The following DLG2 variants were observed in gnomAD, a reference collection of about 807,000 sequenced individuals.
The protein encoded by DLG2 is discs large MAGUK scaffold protein 2.
In DLG2, 45 loss-of-function variants were observed where a neutral mutation model predicts 132.5. The observed-to-expected ratio is 0.34, with a 90% CI of 0.27 to 0.44. The LOEUF is 0.44. DLG2 is among the 20% of genes least tolerant of loss of function. The probability of loss-of-function intolerance (pLI) is 1.00; values close to 1 mark genes in which losing one functional copy is unlikely to be tolerated. For missense variants in DLG2, 1,045 were observed against 1,196.9 expected (o/e 0.87, Z 1.87); for synonymous variants, 424 against 419.6 (o/e 1.01, Z -0.13).
chr11:83,941,854 A>T (rs1449845462), intron 14 of DLG2, among the ~76,000 whole-genome samples: 2 of 152,210 alleles, frequency 1.3e-5, no homozygotes, highest in Admixed American at 6.5e-5. Context: ...CATATTATAC[A>T]TATTATGCCA....
intron 9 of DLG2, among the ~76,000 whole-genome samples, chr11:84,152,563 T>A (rs2095326214): frequency 6.6e-6 from 1 of 152,008 alleles, no homozygotes; most frequent in Non-Finnish European, 1.5e-5. Context: ...ATTTTTTGTA[T>A]TTTTAGTAGA....
At position 84,355,982 on chromosome 11, in the gene DLG2, T is replaced by C. The variant is rs557195120; in HGVS notation, c.520-104691A>G. On this transcript the variant is annotated intron_variant, in intron 7 of 27. Transcript: ENST00000376104. ...TGAAAACTAGATTGTCAATACTTCA[T>C]GTGAAAATTTCACATTATTTCCAAA... is the stretch of plus-strand genomic sequence containing the variant. Among the ~76,000 whole-genome samples the C allele has an allele frequency of 4.6e-5, 7 of 152,206 alleles. No individual in the cohort carries two copies. The East Asian group carries it at 1.4e-3, about 29-fold the overall frequency.
chr11:84,402,876 C>G (rs1320626144), intron 7 of DLG2, among the ~76,000 whole-genome samples: 1 of 46,826 alleles, frequency 2.1e-5, no homozygotes, highest in East Asian at 3.6e-4. Context: ...AGCGAAACTC[C>G]GTCTCAAAAA....
intron 6 of DLG2, among the ~76,000 whole-genome samples, chr11:85,035,453 C>T (rs1483171590): frequency 6.6e-6 from 1 of 152,074 alleles, no homozygotes; most frequent in Non-Finnish European, 1.5e-5. Flanking sequence ...GAAGGGAAAG[C>T]AAGGCACGTC....
chr11:85,271,319 A>T (rs943125435), intron 4 of DLG2, among the ~76,000 whole-genome samples: 2 of 152,212 alleles, frequency 1.3e-5, no homozygotes, highest in Middle Eastern at 3.2e-3. Flanking sequence ...ATTTCAAAGG[A>T]TGTGTGGAAA....
chr11:84,865,598 A>G (rs1371696575), intron 6 of DLG2, among the ~76,000 whole-genome samples: 2 of 152,184 alleles, frequency 1.3e-5, no homozygotes, highest in Non-Finnish European at 2.9e-5. Flanking sequence ...TTAACTGCAG[A>G]TTTTTCAAAG....
At chr11:84,068,573 G>C (rs1323880359) in intron 10 of DLG2, among the ~76,000 whole-genome samples, 1 of 151,956 alleles carries the variant, frequency 6.6e-6, no homozygotes, top group Non-Finnish European at 1.5e-5. Flanking sequence ...ACAATCAGTT[G>C]AATTTCAATT....
intron 3 of DLG2, among the ~76,000 whole-genome samples, chr11:85,356,177 A>C (rs558538401): frequency 6.6e-6 from 1 of 152,334 alleles, no homozygotes; most frequent in East Asian, 1.9e-4. Context: ...TTTCTGGGAA[A>C]TCATTCTCTA....
chr11:85,173,937 A>G (rs2079045872), intron 4 of DLG2, among the ~76,000 whole-genome samples: 1 of 152,228 alleles, frequency 6.6e-6, no homozygotes, highest in African/African-American at 2.4e-5. Context: ...CTGAATATAC[A>G]TGGACCAAAT....
intron 4 of DLG2, among the ~76,000 whole-genome samples, chr11:85,234,181 A>G (rs1467578544): frequency 6.6e-6 from 1 of 151,932 alleles, no homozygotes; most frequent in African/African-American, 2.4e-5. Flanking sequence ...ATGATACAGG[A>G]AGGTACATCA....
At chr11:85,415,455 A>G (rs975063424) in intron 3 of DLG2, among the ~76,000 whole-genome samples, 2 of 152,146 alleles carry the variant, frequency 1.3e-5, no homozygotes, top group African/African-American at 4.8e-5. Flanking sequence ...ACAATGGTTG[A>G]ACTAATTTAC....
At chr11:84,756,499 C>A (rs547528732) in intron 6 of DLG2, among the ~76,000 whole-genome samples, 73 of 152,282 alleles carry the variant, frequency 4.8e-4, no homozygotes, top group African/African-American at 1.5e-3. Flanking sequence ...ATCTCTAGTT[C>A]TACCACTTTC....
At chr11:84,991,789 G>C (rs1188468185) in intron 6 of DLG2, among the ~76,000 whole-genome samples, 2 of 152,062 alleles carry the variant, frequency 1.3e-5, no homozygotes, top group Non-Finnish European at 2.9e-5. Flanking sequence ...TCTTACAATT[G>C]CATGTGAATC....
intron 5 of DLG2, among the ~76,000 whole-genome samples, chr11:85,152,113 G>C (rs2077296112): frequency 6.6e-6 from 1 of 150,900 alleles, no homozygotes; most frequent in Non-Finnish European, 1.5e-5. Context: ...CTATTTAACA[G>C]AGTATAAATA....
At chr11:85,614,654 C>A (rs2081226946) in intron 2 of DLG2, among the ~76,000 whole-genome samples, 1 of 152,094 alleles carries the variant, frequency 6.6e-6, no homozygotes, top group Non-Finnish European at 1.5e-5. Flanking sequence ...ATAAATAAAA[C>A]AAACGTACAG....
chr11:85,591,477 A>G (rs1256246311), intron 3 of DLG2, among the ~76,000 whole-genome samples: 3 of 152,198 alleles, frequency 2.0e-5, no homozygotes, highest in Non-Finnish European at 4.4e-5. Flanking sequence ...GTGGTGGCTC[A>G]CGCCTGTAAT....
At chr11:85,298,386 C>T (rs1199259083) in intron 3 of DLG2, among the ~76,000 whole-genome samples, 1 of 152,088 alleles carries the variant, frequency 6.6e-6, no homozygotes, top group Non-Finnish European at 1.5e-5. Flanking sequence ...GAAAACACAA[C>T]TTCAATTGTG....
At chr11:83,526,045 G>C (rs906679617) in intron 21 of DLG2, among the ~76,000 whole-genome samples, 4 of 152,108 alleles carry the variant, frequency 2.6e-5, no homozygotes, top group African/African-American at 4.8e-5. Flanking sequence ...CTATGAAATA[G>C]AAATGAGATT....
At chr11:84,779,906 A>G (rs2071404240) in intron 6 of DLG2, among the ~76,000 whole-genome samples, 1 of 150,604 alleles carries the variant, frequency 6.6e-6, no homozygotes, top group Admixed American at 6.6e-5. Flanking sequence ...AAAAAAGCCC[A>G]GGACCAGGAC....
Sources: allele counts gnomAD v4.1 joint callset (sites outside exome capture counted in the v4.1 genomes callset), GRCh38; gene constraint gnomAD v4.1.1; transcripts MANE v1.5; gene names NCBI Gene and HGNC (gene_info 2026-07-23, HGNC 2026-07-21).